IPCEF1: variants seen among roughly 807,000 people sequenced by gnomAD.
IPCEF1 encodes the protein interactor protein for cytohesin exchange factors 1.
Under a neutral mutation model 50.9 loss-of-function variants are expected in IPCEF1, and 31 were observed. That is an observed-to-expected ratio of 0.61 (90% CI 0.46 to 0.82). The LOEUF (loss-of-function observed/expected upper bound fraction) is 0.82, where lower values mean the gene tolerates loss of function less well. Among genes scored for constraint, IPCEF1 ranks in the 40% least tolerant of loss-of-function variants. The pLI, the probability that IPCEF1 is intolerant of heterozygous loss-of-function variation, is 0.00. For missense variants in IPCEF1, 458 were observed against 514.0 expected, an observed-to-expected ratio of 0.89 and a Z score of 1.05; for synonymous variants, 181 against 192.0, an observed-to-expected ratio of 0.94 and a Z score of 0.47.
intron 1 of IPCEF1, among the ~76,000 whole-genome samples, chr6:154,335,790 CAACTT>C (rs1783775824): frequency 6.6e-6 from 1 of 152,252 alleles, no homozygotes; most frequent in African/African-American, 2.4e-5. Context: ...CTCACTCAAA[CAACTT>C]AACAGTAACA....
chr6:154,258,944 T>C (rs1293994498), intron 3 of IPCEF1, among the ~76,000 whole-genome samples: 1 of 152,238 alleles, frequency 6.6e-6, no homozygotes, highest in Non-Finnish European at 1.5e-5. Flanking sequence ...TGGTCTTATA[T>C]CAATTTTTCC....
At chr6:154,301,920 A>G (rs758472490) in intron 1 of IPCEF1, among the ~76,000 whole-genome samples, 5 of 152,248 alleles carry the variant, frequency 3.3e-5, no homozygotes. Flanking sequence ...GGCATTTGGA[A>G]TGGAATAAAC....
At chr6:154,324,969 A>AGAC (rs1347044451) in intron 1 of IPCEF1, among the ~76,000 whole-genome samples, 1 of 152,238 alleles carries the variant, frequency 6.6e-6, no homozygotes. Context: ...CGCATATGAC[A>AGAC]ATGAGTTCAT....
At chr6:154,320,936 T>C (rs536945196) in intron 1 of IPCEF1, among the ~76,000 whole-genome samples, 1 of 152,276 alleles carries the variant, frequency 6.6e-6, no homozygotes, top group African/African-American at 2.4e-5. Flanking sequence ...TCATGAATTC[T>C]TTTTTGTTGT....
chr6:154,296,820 C>A (rs1317604833), intron 1 of IPCEF1, among the ~76,000 whole-genome samples: 1 of 142,930 alleles, frequency 7.0e-6, no homozygotes, highest in African/African-American at 2.7e-5. Flanking sequence ...CAGAGAGAGA[C>A]TCCGTCTCAA....
At chr6:154,339,106 G>A (rs753685812) in intron 1 of IPCEF1, among the ~76,000 whole-genome samples, 29 of 152,070 alleles carry the variant, frequency 1.9e-4, no homozygotes, top group Non-Finnish European at 4.0e-4. Flanking sequence ...AAACCCACCT[G>A]TAACTGCTGC....
rs978044983 is a variant in IPCEF1, at chr6:154,167,301, T to A, written c.1104+619A>T. On this transcript the variant is annotated intron_variant, in intron 11 of 11. Transcript: ENST00000367220. ...TTTCAGCTCAGGGAGGGCCTGAAAA[T>A]AGCTTCAGTACTTCCTGTACACTTT... 7.9e-5 allele frequency among the ~76,000 whole-genome samples: 12 copies of A among 152,220 alleles called. 1 individual carries two copies. Among genetic ancestry groups the A allele is most frequent in the Admixed American group, 2.0e-4 (3 of 15,286 alleles).
At chr6:154,313,082 A>G (rs1036081077) in intron 1 of IPCEF1, among the ~76,000 whole-genome samples, 1 of 149,850 alleles carries the variant, frequency 6.7e-6, no homozygotes, top group Non-Finnish European at 1.5e-5. Flanking sequence ...AAAAAAAAAA[A>G]AAAACATGGC....
chr6:154,230,586 G>A (rs1210660444), intron 5 of IPCEF1, among the ~76,000 whole-genome samples: 1 of 152,164 alleles, frequency 6.6e-6, no homozygotes, highest in Non-Finnish European at 1.5e-5. Context: ...AGAGTGACGT[G>A]TATTCCCGAG....
At chr6:154,317,768 G>GT (rs35158220) in intron 1 of IPCEF1, among the ~76,000 whole-genome samples, 9 of 150,972 alleles carry the variant, frequency 6.0e-5, no homozygotes, top group South Asian at 2.1e-4. Context: ...GCTACAACCG[G>GT]TTTTTTTTTA....
At chr6:154,220,941 G>A (rs1035658006) in intron 7 of IPCEF1, among the ~76,000 whole-genome samples, 2 of 152,246 alleles carry the variant, frequency 1.3e-5, no homozygotes, top group African/African-American at 4.8e-5. Context: ...TGCAAGATCA[G>A]TTACATAATA....
At chr6:154,295,478 A>T (rs1782624813) in intron 1 of IPCEF1, among the ~76,000 whole-genome samples, 1 of 151,866 alleles carries the variant, frequency 6.6e-6, no homozygotes, top group African/African-American at 2.4e-5. Flanking sequence ...CCACCAACAC[A>T]CACACACACC....
Position 154,160,081 on chromosome 6 carries a change from G to C in IPCEF1, c.1105-41C>G. The stretch of plus-strand genomic sequence containing the variant: ...AAAAGGGGAAGGGGGTATGTTGAGA[G>C]TGTCTTAATTTACATAAACCATCTT... On this transcript the variant is annotated intron_variant, in intron 11 of 11. Transcript: ENST00000367220. 4.8e-6 allele frequency: 7 copies of C among 1,459,890 alleles called. No homozygotes were observed. The South Asian group carries it at 7.1e-5, about 15-fold the overall frequency. 90.4% of individuals were successfully genotyped at this position (1,459,890 alleles called of 1,614,324 possible). A position where few individuals can be genotyped will look rare whatever the true frequency, so the allele number is the denominator to read the frequency against.
chr6:154,327,560 CA>C (rs1017305595), intron 1 of IPCEF1, among the ~76,000 whole-genome samples: 1 of 151,722 alleles, frequency 6.6e-6, no homozygotes, highest in African/African-American at 2.4e-5. Flanking sequence ...AATAAAAAGG[CA>C]AAAAAACAAC....
At chr6:154,290,390 C>CCCCA (rs1369699521) in intron 1 of IPCEF1, among the ~76,000 whole-genome samples, 1 of 152,186 alleles carries the variant, frequency 6.6e-6, no homozygotes, top group Non-Finnish European at 1.5e-5. Context: ...ATGTATAAAA[C>CCCCA]CCCAAGTCAA....
At chr6:154,209,672 A>G (rs1455040795) in intron 9 of IPCEF1, among the ~76,000 whole-genome samples, 1 of 150,862 alleles carries the variant, frequency 6.6e-6, no homozygotes, top group South Asian at 2.1e-4. Context: ...GTTACTATAT[A>G]TTTTTTTTAT....
intron 1 of IPCEF1, among the ~76,000 whole-genome samples, chr6:154,350,228 C>T (rs763885411): frequency 3.3e-5 from 5 of 152,212 alleles, no homozygotes; most frequent in Non-Finnish European, 5.9e-5. Context: ...AGTTCCATCA[C>T]ATTGCATCAT....
At chr6:154,271,087 A>G (rs967296829) in intron 2 of IPCEF1, among the ~76,000 whole-genome samples, 1 of 151,380 alleles carries the variant, frequency 6.6e-6, no homozygotes, top group African/African-American at 2.4e-5. Flanking sequence ...GACTTGGCAC[A>G]GTGGCTCACA....
chr6:154,189,012 A>T (rs1317767988), intron 10 of IPCEF1, among the ~76,000 whole-genome samples: 1 of 152,236 alleles, frequency 6.6e-6, no homozygotes, highest in African/African-American at 2.4e-5. Context: ...TTATTAAAAG[A>T]TACTACTTTA....
Sources: allele counts gnomAD v4.1 joint callset (sites outside exome capture counted in the v4.1 genomes callset), GRCh38; gene constraint gnomAD v4.1.1; transcripts MANE v1.5; gene names NCBI Gene and HGNC (gene_info 2026-07-23, HGNC 2026-07-21).